The following NDUFS4 variants were observed in gnomAD, a reference collection of about 807,000 sequenced individuals.
NDUFS4 encodes the protein NADH:ubiquinone oxidoreductase subunit S4, also known as NADH dehydrogenase [ubiquinone] iron-sulfur protein 4, mitochondrial.
NDUFS4 carries 28 observed loss-of-function variants against 24.3 expected under a neutral mutation model. The observed-to-expected ratio is 1.15, with a 90% CI of 0.85 to 1.58. NDUFS4 has a LOEUF of 1.58. Ranked by LOEUF, NDUFS4 falls within the 40% of genes most tolerant of loss-of-function variation. The probability of loss-of-function intolerance (pLI) is 0.00; values close to 1 mark genes in which losing one functional copy is unlikely to be tolerated. For missense variants in NDUFS4, 223 were observed against 207.9 expected (o/e 1.07, Z -0.45); for synonymous variants, 93 against 69.7 (o/e 1.34, Z -1.67).
intron 4 of NDUFS4, among the ~76,000 whole-genome samples, chr5:53,666,580 C>T (rs1402221792): frequency 1.3e-5 from 2 of 152,170 alleles, no homozygotes; most frequent in African/African-American, 4.8e-5. Flanking sequence ...CACCTAGCAC[C>T]TAGCACAAAA....
intron 4 of NDUFS4, among the ~76,000 whole-genome samples, chr5:53,675,204 C>T (rs1579945545): frequency 6.9e-6 from 1 of 145,760 alleles, no homozygotes; most frequent in South Asian, 2.2e-4. Flanking sequence ...CTCTGTCACC[C>T]AGGCTGAAGT....
chr5:53,657,218 C>G (rs451591), intron 3 of NDUFS4, among the ~76,000 whole-genome samples: 30,919 of 152,008 alleles, frequency 0.2, 3,666 homozygotes, highest in East Asian at 0.46. Context: ...AGTATATATA[C>G]TTTAACTATC....
intron 4 of NDUFS4, among the ~76,000 whole-genome samples, chr5:53,675,441 C>T (rs969296593): frequency 1.3e-5 from 2 of 152,108 alleles, no homozygotes; most frequent in African/African-American, 4.8e-5. Flanking sequence ...GGATTACAGG[C>T]GTGAGCCACC....
chr5:53,647,926 G>A (rs1751912777), intron 3 of NDUFS4, among the ~76,000 whole-genome samples: 1 of 151,948 alleles, frequency 6.6e-6, no homozygotes, highest in African/African-American at 2.4e-5. Context: ...TTTTTCTTAT[G>A]TTGCAGTTTA....
rs2112506280 is a variant in NDUFS4 at position 53,645,447 on chromosome 5, G to A, written c.178-786G>A. On this transcript the variant is annotated intron_variant, in intron 2 of 4. Transcript: ENST00000296684. ...GAATTACTTTACTAATTTGTGTCCT[G>A]ACTGCTACTATGTTTTGATAAATGT... 2.0e-5 allele frequency among the ~76,000 whole-genome samples: 3 copies of A among 152,232 alleles called. 1 individual carries two copies. The South Asian group carries it at 6.2e-4, about 32-fold the overall frequency.
Position 53,658,579 on chromosome 5 carries a change from AC to A in NDUFS4, c.381del (p.Phe128SerfsTer61). 1 of 1,613,472 alleles carries A rather than the reference AC, an allele frequency of 6.2e-7. No individual in the cohort carries two copies. The highest frequency in any genetic ancestry group is 8.5e-7 in the Non-Finnish European group (1 of 1,179,636). On this transcript the variant is annotated frameshift_variant, in exon 4 of 5. Coordinates refer to ENST00000296684, the MANE Select transcript of NDUFS4 (RefSeq NM_002495.4). LOFTEE classifies it high-confidence loss of function. ...TADPLSNMVL[T>X]FSTKEDAVSF... ...TGATCCCTTATCCAACATGGTTCTA[AC>A]CTTCAGTACTAAAGAAGATGCAGTT...
intron 2 of NDUFS4, among the ~76,000 whole-genome samples, chr5:53,638,296 G>A (rs745895667): frequency 6.6e-6 from 1 of 151,908 alleles, no homozygotes; most frequent in Admixed American, 6.6e-5. Flanking sequence ...AGACTTTCCA[G>A]GGACCCTCTG....
At chr5:53,574,910 C>T (rs1749333549) in intron 1 of NDUFS4, among the ~76,000 whole-genome samples, 1 of 152,060 alleles carries the variant, frequency 6.6e-6, no homozygotes, top group Admixed American at 6.6e-5. Flanking sequence ...GACTAGAGGA[C>T]AGAGAGAGAA....
chr5:53,664,008 G>A (rs1455927609), intron 4 of NDUFS4, among the ~76,000 whole-genome samples: 1 of 152,140 alleles, frequency 6.6e-6, no homozygotes, highest in Non-Finnish European at 1.5e-5. Context: ...TCCTTCAAGA[G>A]CTCTTTTAGG....
intron 2 of NDUFS4, among the ~76,000 whole-genome samples, chr5:53,630,891 C>T (rs1470779492): frequency 6.6e-6 from 1 of 152,166 alleles, no homozygotes; most frequent in Admixed American, 6.5e-5. Context: ...GTCAATTTGT[C>T]AGACTCATTC....
intron 4 of NDUFS4, among the ~76,000 whole-genome samples, chr5:53,672,819 C>T (rs1288348854): frequency 6.6e-6 from 1 of 151,840 alleles, no homozygotes; most frequent in East Asian, 1.9e-4. Flanking sequence ...GCTAGGAAAC[C>T]ACACCAAGAA....
At chr5:53,622,819 C>G (rs549641779) in intron 2 of NDUFS4, among the ~76,000 whole-genome samples, 4 of 152,174 alleles carry the variant, frequency 2.6e-5, no homozygotes, top group Non-Finnish European at 5.9e-5. Context: ...GTAATCATCA[C>G]CACTATTTCC....
intron 2 of NDUFS4, among the ~76,000 whole-genome samples, chr5:53,615,244 C>T (rs1483734949): frequency 6.6e-6 from 1 of 151,936 alleles, no homozygotes; most frequent in African/African-American, 2.4e-5. Context: ...AATCCAAATA[C>T]TTAAACTTGT....
intron 2 of NDUFS4, among the ~76,000 whole-genome samples, chr5:53,603,768 T>C (rs914900719): frequency 6.6e-5 from 10 of 152,206 alleles, no homozygotes; most frequent in Admixed American, 1.3e-4. Context: ...AGGTTTTCAT[T>C]TTTGTGGTGT....
intron 1 of NDUFS4, among the ~76,000 whole-genome samples, chr5:53,590,301 G>T (rs1396373032): frequency 6.6e-6 from 1 of 152,058 alleles, no homozygotes; most frequent in Non-Finnish European, 1.5e-5. Flanking sequence ...TTTAAGATTT[G>T]CTCTTATGTG....
At chr5:53,616,814 G>A (rs1278873876) in intron 2 of NDUFS4, among the ~76,000 whole-genome samples, 2 of 152,116 alleles carry the variant, frequency 1.3e-5, no homozygotes, top group Non-Finnish European at 2.9e-5. Context: ...AGCTATTATG[G>A]TTAAGGGCAA....
chr5:53,646,210 T>C (rs770143522), intron 2 of NDUFS4, 23 bp from the exon 3 acceptor site: 1 of 1,578,108 alleles, frequency 6.3e-7, no homozygotes, highest in East Asian at 2.3e-5. Context: ...TGAAACGTGT[T>C]TTTTTTTCTT....
chr5:53,653,069 T>G (rs534932779), intron 3 of NDUFS4, among the ~76,000 whole-genome samples: 2 of 152,182 alleles, frequency 1.3e-5, no homozygotes, highest in African/African-American at 4.8e-5. Flanking sequence ...TTAATGTACA[T>G]TGGTCATTGA....
chr5:53,639,261 G>A (rs982480510), intron 2 of NDUFS4, among the ~76,000 whole-genome samples: 17 of 151,448 alleles, frequency 1.1e-4, no homozygotes, highest in African/African-American at 3.6e-4. Context: ...ATTGTGAATT[G>A]TCATGTAATA....
Sources: gnomAD v4.1 joint callset for allele counts (sites outside exome capture counted in the v4.1 genomes callset) on GRCh38, gnomAD v4.1.1 for gene constraint, MANE v1.5 for transcripts, NCBI Gene and HGNC (gene_info 2026-07-23, HGNC 2026-07-21) for gene names.